Variants in RCAN3 observed in about 807,000 individuals in gnomAD.
The protein encoded by RCAN3 is regulator of calcineurin 3.
Under a neutral mutation model 21.9 loss-of-function variants are expected in RCAN3, and 19 were observed. The ratio of observed to expected loss-of-function variants is 0.87; its 90% CI spans 0.61 to 1.27. RCAN3 has a LOEUF of 1.27. Among genes scored for constraint, RCAN3 ranks in the 50% most tolerant of loss-of-function variants. The pLI, the probability that RCAN3 is intolerant of heterozygous loss-of-function variation, is 0.00. For missense variants in RCAN3, 240 were observed against 300.1 expected (o/e 0.80, Z 1.48); for synonymous variants, 114 against 112.3 (o/e 1.01, Z -0.09).
chr1:24,512,332 G>A (rs1293025962), intron 1 of RCAN3, among the ~76,000 whole-genome samples: 1 of 147,036 alleles, frequency 6.8e-6, no homozygotes, highest in Admixed American at 6.8e-5. Flanking sequence ...CTGGGCAACA[G>A]GATAAAATTC....
chr1:24,530,419 A>G (rs2148910629), intron 2 of RCAN3, among the ~76,000 whole-genome samples: 2 of 151,226 alleles, frequency 1.3e-5, no homozygotes, highest in East Asian at 3.9e-4. Flanking sequence ...CTCAGGAGCA[A>G]GATCTAAGCA....
At chr1:24,513,297 G>A (rs1279838211) in intron 1 of RCAN3, among the ~76,000 whole-genome samples, 1 of 152,072 alleles carries the variant, frequency 6.6e-6, no homozygotes, top group Non-Finnish European at 1.5e-5. Flanking sequence ...TAGGGGCAAG[G>A]TCTCACTATG....
chr1:24,527,127 G>A (rs1197664727), intron 2 of RCAN3, among the ~76,000 whole-genome samples: 3 of 152,034 alleles, frequency 2.0e-5, no homozygotes, highest in Non-Finnish European at 4.4e-5. Flanking sequence ...TGCCTCCCAG[G>A]CTCAAGCAAT....
intron 2 of RCAN3, 111 bp downstream of exon 2, chr1:24,514,678 C>A: frequency 9.2e-7 from 1 of 1,092,368 alleles, no homozygotes; most frequent in Non-Finnish European, 1.3e-6. Context: ...AAGTGTATGT[C>A]CACTTTTAGG....
chr1:24,521,991 G>A (rs938998400), intron 2 of RCAN3, among the ~76,000 whole-genome samples: 3 of 152,006 alleles, frequency 2.0e-5, no homozygotes, highest in Non-Finnish European at 4.4e-5. Flanking sequence ...TAGTGGTGAT[G>A]GTCACACAGT....
rs923083289 is a variant in RCAN3, at chr1:24,536,830, A to G, written c.*1553A>G. 2.7e-5 allele frequency: 4 copies of G among 149,768 alleles called. No homozygotes were observed. The highest frequency in any genetic ancestry group is 5.9e-5 in the Non-Finnish European group (4 of 67,434). The allele number at this position is 149,768 out of a possible 1,614,324, so 9.3% of individuals were successfully genotyped here. A position where few individuals can be genotyped will look rare whatever the true frequency, so the allele number is the denominator to read the frequency against. ...TACCCCTAATTTTTTTTTTTTCTGTATCTTCCTTGCCCTCAAATACCCTGA... is the reference window on the plus strand; with the variant it reads ...TACCCCTAATTTTTTTTTTTTCTGTGTCTTCCTTGCCCTCAAATACCCTGA... On this transcript the variant is annotated 3_prime_UTR_variant, in exon 5 of 5. Transcript: ENST00000374395.
chr1:24,504,453 C>G (rs1024147707), intron 1 of RCAN3, among the ~76,000 whole-genome samples: 2 of 117,148 alleles, frequency 1.7e-5, no homozygotes, highest in African/African-American at 9.0e-5. Flanking sequence ...CAGGCATGAG[C>G]CACCGCACCC....
chr1:24,514,470 A>C lies in RCAN3; in HGVS notation c.98A>C (p.Glu33Ala). Residue 33 changes from glutamate (E) to alanine (A), a missense_variant, in exon 2 of 5, where the codon GAA (glutamate) becomes GCA (alanine). Physicochemically the swap from Glu to Ala is moderately radical, Grantham distance 107. Transcript: ENST00000374395. ...GAAGAGATGATTTTTGGTGAAAATG[A>C]AGATGATTTGGATGAGATGATGGAT... ...EEEEMIFGEN[E>A]DDLDEMMDLS... is the part of the protein sequence containing the mutation. 6.2e-7 allele frequency: 1 copy of C among 1,614,166 alleles called. No individual in the cohort carries two copies.
At position 24,514,320 on chromosome 1, in the gene RCAN3, C is replaced by T; in HGVS notation, c.-53C>T. On this transcript the variant is annotated 5_prime_UTR_variant, in exon 2 of 5. Transcript: ENST00000374395. ...TTTTCTTTTTTTTTAACAGTGGGTG[C>T]CTGATAGACATCCTAGGACTATACA... The T allele has an allele frequency of 7.1e-7, 1 of 1,403,582 alleles. No homozygotes were observed. The highest frequency in any genetic ancestry group is 9.5e-7 in the Non-Finnish European group (1 of 1,057,760). The allele number at this position is 1,403,582 out of a possible 1,614,324, so 86.9% of individuals were successfully genotyped here. A position where few individuals can be genotyped will look rare whatever the true frequency, so the allele number is the denominator to read the frequency against.
At chr1:24,507,511 A>T (rs196399) in intron 1 of RCAN3, 4 of 152,170 alleles carry the variant, frequency 2.6e-5, no homozygotes, top group Non-Finnish European at 4.4e-5. Flanking sequence ...CTGGGGTTTC[A>T]CAGATACAGT....
At chr1:24,521,708 C>T (rs1648826408) in intron 2 of RCAN3, among the ~76,000 whole-genome samples, 1 of 151,986 alleles carries the variant, frequency 6.6e-6, no homozygotes, top group African/African-American at 2.4e-5. Flanking sequence ...ATTAGCTGGG[C>T]ATGGTGGTAT....
At chr1:24,532,999 AG>A in intron 3 of RCAN3, 83 bp from the exon 4 acceptor site, 1 of 886,122 alleles carries the variant, frequency 1.1e-6, no homozygotes, top group Non-Finnish European at 1.5e-6. Context: ...TTCTACAAAA[AG>A]ATGGAACAGT....
At chr1:24,514,612 T>C in intron 2 of RCAN3, 45 bp downstream of exon 2, 1 of 1,563,744 alleles carries the variant, frequency 6.4e-7, no homozygotes, top group South Asian at 1.2e-5. Context: ...GCATGTTAAA[T>C]GTGTATGGAT....
In RCAN3 at chr1:24,502,908, C is replaced by G. The variant is rs1324620374; in HGVS notation, c.-302C>G. 6.7e-6 allele frequency: 1 copy of G among 150,144 alleles called. No homozygotes were observed. The highest frequency in any genetic ancestry group is 1.5e-5 in the Non-Finnish European group (1 of 67,232). 9.3% of individuals were successfully genotyped at this position (150,144 alleles called of 1,614,324 possible). ...AGCCGGGACACCGCCCTAGTCCCAG[C>G]CCAGGGGGCCGCTCTCGCCGGCGTC... On this transcript the variant is annotated 5_prime_UTR_variant, in exon 1 of 5. Coordinates refer to ENST00000374395, the MANE Select transcript of RCAN3 (RefSeq NM_013441.4).
At chr1:24,524,711 T>C (rs1649112665) in intron 2 of RCAN3, among the ~76,000 whole-genome samples, 2 of 152,140 alleles carry the variant, frequency 1.3e-5, no homozygotes, top group Admixed American at 6.6e-5. Flanking sequence ...CAGAAAGACG[T>C]AGAATATAAA....
In RCAN3 at chr1:24,538,621, GC is replaced by G; in HGVS notation, c.*3346del. ...GTAGAGACGGGGTTTCACCACGTTA[GC>G]CAGGATGGTCTCGATCTCCTGACCT... On this transcript the variant is annotated 3_prime_UTR_variant, in exon 5 of 5. Transcript: ENST00000374395. 6.8e-6 allele frequency: 1 copy of G among 146,622 alleles called. No homozygotes were observed. The highest frequency in any genetic ancestry group is 1.5e-5 in the Non-Finnish European group (1 of 67,414). The allele number at this position is 146,622 out of a possible 1,614,324, so 9.1% of individuals were successfully genotyped here. A position where few individuals can be genotyped will look rare whatever the true frequency, so the allele number is the denominator to read the frequency against.
At chr1:24,523,639 C>CACAT (rs976985977) in intron 2 of RCAN3, among the ~76,000 whole-genome samples, 11 of 141,042 alleles carry the variant, frequency 7.8e-5, no homozygotes, top group Middle Eastern at 3.8e-3. Context: ...CACACACACA[C>CACAT]ACATATATAT....
chr1:24,533,419 C>G (rs965363304), intron 4 of RCAN3, among the ~76,000 whole-genome samples, 165 bp downstream of exon 4: 1 of 152,234 alleles, frequency 6.6e-6, no homozygotes, highest in Admixed American at 6.5e-5. Context: ...TGATCTTGAA[C>G]AAGTTACTTA....
At position 24,535,218 on chromosome 1, in the gene RCAN3, C is replaced by T. The variant is rs780325659; in HGVS notation, c.667C>T (p.Arg223Cys). Residue 223 changes from arginine to cysteine, a missense_variant, in exon 5 of 5, where the codon CGC becomes TGC. Physicochemically the swap from Arg to Cys is radical, Grantham distance 180. Transcript: ENST00000374395. ...NPKQKIAQTR[R>C]PDPPTAALNE... ...CAAACAGAAAATTGCCCAGACGAGG[C>T]GCCCCGACCCTCCGACCGCAGCGTT... 68 of 1,582,938 alleles carry T rather than the reference C, an allele frequency of 4.3e-5. No homozygotes were observed. Among genetic ancestry groups the T allele is most frequent in the Non-Finnish European group, 5.5e-5 (64 of 1,169,496 alleles).
Sources: gnomAD v4.1 joint callset for allele counts (sites outside exome capture counted in the v4.1 genomes callset) on GRCh38, gnomAD v4.1.1 for gene constraint, MANE v1.5 for transcripts, NCBI Gene and HGNC (gene_info 2026-07-23, HGNC 2026-07-21) for gene names.